Variants in NSMCE4A observed in about 807,000 individuals in gnomAD.
NSMCE4A encodes non-structural maintenance of chromosomes element 4 homolog A.
A neutral mutation model predicts 47.9 loss-of-function variants in NSMCE4A; 40 were observed. The observed-to-expected ratio is 0.83, with a 90% CI of 0.65 to 1.09. The LOEUF is 1.09. Among genes scored for constraint, NSMCE4A ranks in the 50% least tolerant of loss-of-function variants. NSMCE4A has a pLI of 0.00. For missense variants in NSMCE4A, 500 were observed against 507.0 expected (o/e 0.99, Z 0.13); for synonymous variants, 166 against 178.5 (o/e 0.93, Z 0.56).
intron 4 of NSMCE4A, chr10:121,967,012 A>G (rs981378006): frequency 5.9e-5 from 9 of 152,120 alleles, no homozygotes; most frequent in African/African-American, 2.2e-4. Flanking sequence ...ACGTTGGGAG[A>G]CTCATAAGAT....
At position 121,967,715 on chromosome 10, in the gene NSMCE4A, C is replaced by T. The variant is rs762345169; in HGVS notation, c.593G>A (p.Trp198Ter). 6.2e-7 allele frequency: 1 copy of T among 1,613,860 alleles called. No homozygotes were observed. Among genetic ancestry groups the T allele is most frequent in the African/African-American group, 1.3e-5 (1 of 74,904 alleles). The change falls in exon 4 of 11, where the codon TGG becomes TAG. Residue 198 changes from tryptophan to a stop codon, truncating the protein, a stop_gained. Coordinates refer to ENST00000369023, the MANE Select transcript of NSMCE4A (RefSeq NM_017615.3). LOFTEE classifies it high-confidence loss of function. ...PDFEFIVYDS[W>*]KITGRTAENT... Reference sequence around the variant, plus strand: ...TTCTGCTGTTCTGCCTGTTATCTTCCAGGAGTCATAGACTATGAATTCAAA... The same window carrying T: ...TTCTGCTGTTCTGCCTGTTATCTTCTAGGAGTCATAGACTATGAATTCAAA...
intron 3 of NSMCE4A, among the ~76,000 whole-genome samples, chr10:121,968,362 A>G (rs1952645277): frequency 6.6e-6 from 1 of 152,258 alleles, no homozygotes; most frequent in East Asian, 1.9e-4. Context: ...TTCGTGTATT[A>G]GTAAAGCTGC....
At chr10:121,968,861 C>G (rs914274149) in intron 3 of NSMCE4A, among the ~76,000 whole-genome samples, 2 of 152,260 alleles carry the variant, frequency 1.3e-5, no homozygotes, top group South Asian at 4.1e-4. Flanking sequence ...CCACTGCACC[C>G]TTGTAGGCAG....
At chr10:121,972,959 G>C (rs940412611) in intron 2 of NSMCE4A, among the ~76,000 whole-genome samples, 3 of 152,152 alleles carry the variant, frequency 2.0e-5, no homozygotes, top group Non-Finnish European at 2.9e-5. Context: ...GGAACCAGCC[G>C]GGGGCGGTGG....
rs190328096 is a variant in NSMCE4A at position 121,968,699 on chromosome 10, C to T, written c.502-893G>A. On this transcript the variant is annotated intron_variant, in intron 3 of 10. Transcript: ENST00000369023. Reference sequence around the variant, plus strand: ...AAAATGCCTAGAAGTTATCCAATTACGATGGCAATATCATATATAAACAAT... The same window carrying T: ...AAAATGCCTAGAAGTTATCCAATTATGATGGCAATATCATATATAAACAAT... Among the ~76,000 whole-genome samples the T allele has an allele frequency of 1.1e-4, 16 of 152,248 alleles. No homozygotes were observed. In the South Asian group the frequency reaches 2.3e-3, roughly 22 times the overall value.
At chr10:121,969,126 C>G (rs750461441) in intron 3 of NSMCE4A, among the ~76,000 whole-genome samples, 1 of 152,166 alleles carries the variant, frequency 6.6e-6, no homozygotes, top group Admixed American at 6.5e-5. Flanking sequence ...GGGTGGATCA[C>G]GAAGTCAGGA....
At position 121,960,068 on chromosome 10, in the gene NSMCE4A, G is replaced by A; in HGVS notation, c.988+290C>T. The A allele has an allele frequency of 3.3e-6, 1 of 304,832 alleles. No individual in the cohort carries two copies. Among genetic ancestry groups the A allele is most frequent in the Admixed American group, 5.0e-5 (1 of 20,014 alleles). 18.9% of individuals were successfully genotyped at this position (304,832 alleles called of 1,614,324 possible). ...TCTGACAAAACGTGATTAGAAAGAG[G>A]GATACTACAAAAATGACTGCAATCA... On this transcript the variant is annotated intron_variant, in intron 8 of 10. Transcript: ENST00000369023. The surrounding 1 kb of genome is among the most constrained non-coding windows in gnomAD (Gnocchi z 4.2).
intron 6 of NSMCE4A, chr10:121,962,144 C>T (rs1208972445): frequency 1.4e-5 from 5 of 345,224 alleles, no homozygotes; most frequent in Non-Finnish European, 1.7e-5. Flanking sequence ...CTTGGCCGGG[C>T]GCGGTGGCTC....
chr10:121,974,679 A>G (rs1952783057), intron 1 of NSMCE4A, 195 bp downstream of exon 1: 2 of 1,101,614 alleles, frequency 1.8e-6, no homozygotes, highest in Non-Finnish European at 2.2e-6. Context: ...CCAAGGTCGT[A>G]CGGCTCCAGC....
intron 2 of NSMCE4A, among the ~76,000 whole-genome samples, chr10:121,971,973 C>T (rs1228614230): frequency 6.6e-6 from 1 of 152,116 alleles, no homozygotes. Context: ...TCAAAAAAGG[C>T]TTGACAGAGG....
intron 6 of NSMCE4A, chr10:121,961,919 A>G (rs111946397): frequency 0.025 from 5,715 of 227,746 alleles, 159 homozygotes; most frequent in African/African-American, 0.077. Context: ...CTTGGCCAAC[A>G]TGGCGAAACA....
intron 2 of NSMCE4A, among the ~76,000 whole-genome samples, chr10:121,972,393 T>C (rs1160214821): frequency 6.6e-6 from 1 of 152,176 alleles, no homozygotes; most frequent in African/African-American, 2.4e-5. Flanking sequence ...CTGTTTCCTT[T>C]TGTTGATCCC....
At chr10:121,961,561 T>A in intron 6 of NSMCE4A, 44 bp from the exon 7 acceptor site, 2 of 1,174,634 alleles carry the variant, frequency 1.7e-6, no homozygotes, top group Non-Finnish European at 2.4e-6. Flanking sequence ...TGCTTGTCAT[T>A]AATATCAGTA....
intron 6 of NSMCE4A, among the ~76,000 whole-genome samples, chr10:121,962,885 C>G (rs1203264520): frequency 1.3e-5 from 2 of 152,074 alleles, no homozygotes; most frequent in Non-Finnish European, 1.5e-5. Context: ...TGAGCCACCA[C>G]GCCCGGCCAA....
At chr10:121,967,502 G>T in intron 4 of NSMCE4A, 153 bp downstream of exon 4, 2 of 805,970 alleles carry the variant, frequency 2.5e-6, no homozygotes, top group Non-Finnish European at 3.8e-6. Context: ...CCGGCCTAGT[G>T]TTTATGAACT....
At chr10:121,957,373 T>G (rs12246693) in intron 10 of NSMCE4A, 114 bp from the exon 11 acceptor site, 20,087 of 151,870 alleles carry the variant, frequency 0.13, 1,543 homozygotes, top group Non-Finnish European at 0.17. Context: ...AGGGCCCAGG[T>G]TAATCCACAT....
At chr10:121,968,619 A>C (rs1318251696) in intron 3 of NSMCE4A, among the ~76,000 whole-genome samples, 1 of 152,192 alleles carries the variant, frequency 6.6e-6, no homozygotes, top group African/African-American at 2.4e-5. Flanking sequence ...CTTACAGAAA[A>C]TGTGTTATAT....
At chr10:121,970,215 G>C (rs1952680546) in intron 3 of NSMCE4A, among the ~76,000 whole-genome samples, 1 of 151,416 alleles carries the variant, frequency 6.6e-6, no homozygotes, top group Non-Finnish European at 1.5e-5. Context: ...GCTCACGGCT[G>C]TAATCCCAGC....
chr10:121,961,576 C>G, intron 6 of NSMCE4A, 59 bp from the exon 7 acceptor site: 1 of 990,310 alleles, frequency 1.0e-6, no homozygotes, highest in Non-Finnish European at 1.5e-6. Context: ...TCAGTACACT[C>G]TAGCGTTAGC....
Sources: gnomAD v4.1 joint callset for allele counts (sites outside exome capture counted in the v4.1 genomes callset) on GRCh38, gnomAD v4.1.1 for gene constraint, Gnocchi (gnomAD v3.1) non-coding constraint, MANE v1.5 for transcripts, NCBI Gene and HGNC (gene_info 2026-07-23, HGNC 2026-07-21) for gene names.